CSMD1: variants seen among roughly 807,000 people sequenced by gnomAD.
The protein encoded by CSMD1 is CUB and Sushi multiple domains 1, also known as CUB and sushi domain-containing protein 1.
Under a neutral mutation model 417.5 loss-of-function variants are expected in CSMD1, and 213 were observed. The ratio of observed to expected loss-of-function variants is 0.51; its 90% CI spans 0.46 to 0.57. The LOEUF is 0.57. Among genes scored for constraint, CSMD1 ranks in the 20% least tolerant of loss-of-function variants. The pLI is 0.00. For synonymous variants in CSMD1, 2,862 were observed against 1,736.8 expected, an observed-to-expected ratio of 1.65 and a Z score of -16.11; for missense variants, 6,923 against 4,529.7, an observed-to-expected ratio of 1.53 and a Z score of -15.17.
chr8:3,652,092 G>A (rs36180225), intron 7 of CSMD1, among the ~76,000 whole-genome samples: 37,956 of 141,188 alleles, frequency 0.27, 5,365 homozygotes, highest in Admixed American at 0.35. Context: ...ACCACCATCA[G>A]AGCACCTACC....
chr8:3,403,397 G>T (rs1456428740), intron 15 of CSMD1, among the ~76,000 whole-genome samples: 2 of 152,050 alleles, frequency 1.3e-5, no homozygotes, highest in African/African-American at 4.8e-5. Context: ...CTGTTCCATC[G>T]GAGCGTCCCC....
intron 3 of CSMD1, among the ~76,000 whole-genome samples, chr8:4,250,434 G>A (rs550748045): frequency 1.6e-4 from 24 of 152,090 alleles, no homozygotes; most frequent in South Asian, 4.1e-4. Context: ...GCTCCCTGGG[G>A]AACATGCGTA....
At chr8:3,841,995 T>A (rs965126920) in intron 5 of CSMD1, among the ~76,000 whole-genome samples, 1 of 152,182 alleles carries the variant, frequency 6.6e-6, no homozygotes, top group African/African-American at 2.4e-5. Context: ...TGTTGCAGCA[T>A]CAATTTGTAT....
intron 2 of CSMD1, among the ~76,000 whole-genome samples, chr8:4,494,866 A>G (rs1801899468): frequency 6.6e-6 from 1 of 152,218 alleles, no homozygotes; most frequent in Non-Finnish European, 1.5e-5. Flanking sequence ...TTCTACCTGA[A>G]ACATGGAAAC....
At chr8:3,288,656 C>G (rs1213588196) in intron 25 of CSMD1, among the ~76,000 whole-genome samples, 1 of 146,906 alleles carries the variant, frequency 6.8e-6, no homozygotes, top group Non-Finnish European at 1.5e-5. Context: ...TCCCTTTTAT[C>G]ATTTTTTATT....
At chr8:4,781,128 G>A (rs926285520) in intron 1 of CSMD1, among the ~76,000 whole-genome samples, 5 of 152,124 alleles carry the variant, frequency 3.3e-5, no homozygotes, top group African/African-American at 1.2e-4. Context: ...TTCGAGTGCA[G>A]GTGTCACCTG....
chr8:4,314,908 A>C (rs2128880795), intron 3 of CSMD1, among the ~76,000 whole-genome samples: 1 of 152,306 alleles, frequency 6.6e-6, no homozygotes, highest in East Asian at 1.9e-4. Flanking sequence ...TGGGCTCCTA[A>C]AAACACAGAG....
intron 1 of CSMD1, among the ~76,000 whole-genome samples, chr8:4,816,759 T>G (rs1472657572): frequency 2.6e-5 from 4 of 152,130 alleles, no homozygotes; most frequent in African/African-American, 4.8e-5. Context: ...AGGACTCATC[T>G]AGGACTGAGG....
intron 18 of CSMD1, among the ~76,000 whole-genome samples, chr8:3,382,012 C>A (rs980851886): frequency 5.9e-5 from 9 of 152,110 alleles, no homozygotes; most frequent in African/African-American, 2.2e-4. Flanking sequence ...AATCCCAGCA[C>A]TTTGGGAGGC....
In CSMD1 at chr8:3,293,536, T is replaced by G. The variant is rs1012010513; in HGVS notation, c.3951-9190A>C. On this transcript the variant is annotated intron_variant, in intron 25 of 69. Transcript: ENST00000635120. Reference sequence around the variant, plus strand: ...GGCTTTGTTTGTTTCTTTTTATTCTTTTTTTCTCTAAACTTCTCTTCTTGC... The same window carrying G: ...GGCTTTGTTTGTTTCTTTTTATTCTGTTTTTCTCTAAACTTCTCTTCTTGC... Among the ~76,000 whole-genome samples, 5 of 152,146 alleles carry G rather than the reference T, an allele frequency of 3.3e-5. No individual in the cohort carries two copies. The South Asian group carries it at 1.0e-3, about 32-fold the overall frequency.
intron 3 of CSMD1, among the ~76,000 whole-genome samples, chr8:4,204,532 A>G (rs940576582): frequency 2.0e-5 from 3 of 152,210 alleles, no homozygotes; most frequent in African/African-American, 7.2e-5. Context: ...CTCACCTTTC[A>G]AAGTGTAGAA....
chr8:3,111,972 G>A (rs1025751634), intron 42 of CSMD1, among the ~76,000 whole-genome samples: 9 of 151,870 alleles, frequency 5.9e-5, no homozygotes, highest in Non-Finnish European at 1.0e-4. Flanking sequence ...TTCTGCCAAG[G>A]CAAACTTGTC....
chr8:4,132,276 A>G (rs993050390), intron 3 of CSMD1, among the ~76,000 whole-genome samples: 1 of 150,096 alleles, frequency 6.7e-6, no homozygotes, highest in South Asian at 2.1e-4. Context: ...AATTTTATCC[A>G]AGGTGATGTT....
Position 4,888,518 on chromosome 8 carries a change from A to G in CSMD1, c.85+105814T>C, listed in dbSNP as rs1463731231. Among the ~76,000 whole-genome samples, 3 of 151,954 alleles carry G rather than the reference A, an allele frequency of 2.0e-5. No homozygotes were observed. The East Asian group carries it at 5.8e-4, about 29-fold the overall frequency. On this transcript the variant is annotated intron_variant, in intron 1 of 69. Transcript: ENST00000635120. ...AGACTGATAGATGAGAGAGAGAGAGAGAGAGAGAGAGGTATGTGTGTGTTT... is the reference window on the plus strand; with the variant it reads ...AGACTGATAGATGAGAGAGAGAGAGGGAGAGAGAGAGGTATGTGTGTGTTT...
intron 3 of CSMD1, among the ~76,000 whole-genome samples, chr8:4,051,026 C>T (rs1030527261): frequency 1.3e-5 from 2 of 152,024 alleles, no homozygotes; most frequent in Admixed American, 6.6e-5. Context: ...CCAGAAAACC[C>T]ACCCCAACAT....
intron 2 of CSMD1, among the ~76,000 whole-genome samples, chr8:4,627,416 A>C (rs1802182650): frequency 6.6e-6 from 1 of 152,192 alleles, no homozygotes; most frequent in African/African-American, 2.4e-5. Context: ...CTATTTCAAC[A>C]AACTACTTCT....
At chr8:4,250,246 C>T (rs1036853550) in intron 3 of CSMD1, among the ~76,000 whole-genome samples, 1 of 152,170 alleles carries the variant, frequency 6.6e-6, no homozygotes, top group African/African-American at 2.4e-5. Flanking sequence ...ACTAAGACAA[C>T]CTGCAAGAAC....
intron 5 of CSMD1, among the ~76,000 whole-genome samples, chr8:3,815,342 G>A (rs1444197486): frequency 6.6e-6 from 1 of 152,094 alleles, no homozygotes; most frequent in East Asian, 1.9e-4. Flanking sequence ...TGCATTTTCG[G>A]AACACATCAG....
chr8:4,045,069 G>A (rs1041163652), intron 3 of CSMD1, among the ~76,000 whole-genome samples: 11 of 152,192 alleles, frequency 7.2e-5, no homozygotes, highest in East Asian at 1.9e-4. Flanking sequence ...TGTGCCTGAG[G>A]TATGGTGTGG....
Sources: allele counts gnomAD v4.1 joint callset (sites outside exome capture counted in the v4.1 genomes callset), GRCh38; gene constraint gnomAD v4.1.1; transcripts MANE v1.5; gene names NCBI Gene and HGNC (gene_info 2026-07-23, HGNC 2026-07-21).